Variants in RBMS3 observed in about 807,000 individuals in gnomAD.
RBMS3 encodes RNA-binding motif, single-stranded-interacting protein 3.
In RBMS3, 27 loss-of-function variants were observed where a neutral mutation model predicts 66.8. The ratio of observed to expected loss-of-function variants is 0.40; its 90% CI spans 0.30 to 0.56. RBMS3 has a LOEUF of 0.56. Ranked by LOEUF, RBMS3 falls within the 20% of genes least tolerant of loss-of-function variation. RBMS3 has a pLI of 0.40. For missense variants in RBMS3, 513 were observed against 549.5 expected (o/e 0.93, Z 0.66); for synonymous variants, 188 against 183.0 (o/e 1.03, Z -0.22).
At chr3:29,928,203 T>TAC (rs1415810525) in intron 10 of RBMS3, among the ~76,000 whole-genome samples, 2 of 110,234 alleles carry the variant, frequency 1.8e-5, no homozygotes, top group African/African-American at 3.5e-5. Context: ...TATATATATA[T>TAC]ATATATATAC....
intron 3 of RBMS3, among the ~76,000 whole-genome samples, chr3:29,547,285 A>C (rs1256904617): frequency 6.6e-6 from 1 of 152,184 alleles, no homozygotes. Context: ...TCTTCATCCT[A>C]AATGACATTC....
At chr3:29,736,708 A>G (rs2054394809) in intron 4 of RBMS3, among the ~76,000 whole-genome samples, 1 of 152,160 alleles carries the variant, frequency 6.6e-6, no homozygotes, top group African/African-American at 2.4e-5. Flanking sequence ...GACATGTGGG[A>G]CTCAGAAATC....
intron 12 of RBMS3, among the ~76,000 whole-genome samples, chr3:29,947,084 A>G (rs113573553): frequency 0.018 from 2,782 of 151,692 alleles, 41 homozygotes; most frequent in Non-Finnish European, 0.028. Context: ...CAAAATATAC[A>G]GATTAGCAGT....
chr3:29,950,384 G>T (rs776487670), intron 12 of RBMS3, among the ~76,000 whole-genome samples: 2 of 151,770 alleles, frequency 1.3e-5, no homozygotes, highest in Non-Finnish European at 1.5e-5. Flanking sequence ...TACATAATAC[G>T]CAGCAGAGCA....
chr3:29,750,922 A>G (rs2055148684), intron 5 of RBMS3, among the ~76,000 whole-genome samples: 1 of 152,218 alleles, frequency 6.6e-6, no homozygotes, highest in Admixed American at 6.5e-5. Context: ...AAATATGTAA[A>G]GTATTAAGGG....
intron 10 of RBMS3, among the ~76,000 whole-genome samples, chr3:29,908,246 G>T (rs35426603): frequency 0.01 from 1,516 of 150,410 alleles, 6 homozygotes; most frequent in East Asian, 0.029. Context: ...ACAAGACCTT[G>T]TCTCAAAAAA....
intron 10 of RBMS3, among the ~76,000 whole-genome samples, chr3:29,911,636 A>G (rs2060515931): frequency 1.3e-5 from 2 of 152,056 alleles, no homozygotes; most frequent in Admixed American, 6.6e-5. Context: ...TGAATACCCC[A>G]GGTGAAAGTG....
intron 2 of RBMS3, among the ~76,000 whole-genome samples, chr3:29,480,228 T>C (rs901078551): frequency 1.3e-5 from 2 of 152,224 alleles, no homozygotes; most frequent in Non-Finnish European, 2.9e-5. Flanking sequence ...AGTGTGGTCC[T>C]GGGATCAGCT....
intron 4 of RBMS3, among the ~76,000 whole-genome samples, chr3:29,678,009 G>A (rs2051325840): frequency 6.6e-6 from 1 of 152,140 alleles, no homozygotes; most frequent in South Asian, 2.1e-4. Flanking sequence ...TAAGTTACAT[G>A]AGAAGTATAA....
At chr3:29,595,116 C>T (rs780665600) in intron 4 of RBMS3, among the ~76,000 whole-genome samples, 16 of 151,942 alleles carry the variant, frequency 1.1e-4, no homozygotes, top group Non-Finnish European at 2.1e-4. Flanking sequence ...TAAGAAATAT[C>T]GGCCAGGTGC....
chr3:29,796,049 C>T (rs184482914), intron 6 of RBMS3, among the ~76,000 whole-genome samples: 1 of 152,304 alleles, frequency 6.6e-6, no homozygotes, highest in East Asian at 1.9e-4. Context: ...GGTTCAGTTC[C>T]AGACTACTGC....
At chr3:29,808,732 A>G (rs989843860) in intron 6 of RBMS3, among the ~76,000 whole-genome samples, 7 of 151,972 alleles carry the variant, frequency 4.6e-5, no homozygotes, top group African/African-American at 1.7e-4. Context: ...CTGCTTGATT[A>G]TCACTTATAC....
At chr3:29,423,780 C>T (rs1270171743) in intron 1 of RBMS3, among the ~76,000 whole-genome samples, 2 of 152,106 alleles carry the variant, frequency 1.3e-5, no homozygotes, top group African/African-American at 4.8e-5. Context: ...AATTAATTAC[C>T]TGTGAATTTA....
chr3:29,487,457 T>A (rs2043364096), intron 2 of RBMS3, among the ~76,000 whole-genome samples: 1 of 152,184 alleles, frequency 6.6e-6, no homozygotes, highest in African/African-American at 2.4e-5. Context: ...ACTTTACATG[T>A]CAATTTTCTC....
chr3:29,943,121 A>G (rs2061430654), intron 11 of RBMS3, among the ~76,000 whole-genome samples: 1 of 151,796 alleles, frequency 6.6e-6, no homozygotes, highest in African/African-American at 2.4e-5. Context: ...ATTAAAATTG[A>G]CCTTTTGTGG....
chr3:29,328,335 G>A (rs1018637311), intron 1 of RBMS3, among the ~76,000 whole-genome samples: 3 of 152,176 alleles, frequency 2.0e-5, no homozygotes, highest in Non-Finnish European at 2.9e-5. Context: ...TGTGTTAGAA[G>A]TGGTAGATAT....
At chr3:29,440,701 A>G (rs1053201949) in intron 2 of RBMS3, among the ~76,000 whole-genome samples, 42 of 152,222 alleles carry the variant, frequency 2.8e-4, no homozygotes, top group African/African-American at 1.0e-3. Flanking sequence ...TGCCCAAGCT[A>G]ATCTCCCGGA....
chr3:30,003,791 G>A (rs1699717955), intron 14 of RBMS3, 65 bp from the exon 15 acceptor site: 1 of 1,192,502 alleles, frequency 8.4e-7, no homozygotes, highest in South Asian at 2.8e-5. Flanking sequence ...ATTGGAAAAG[G>A]GCACAGAAGG....
chr3:29,809,544 A>G (rs889546195), intron 6 of RBMS3, among the ~76,000 whole-genome samples: 1 of 151,888 alleles, frequency 6.6e-6, no homozygotes, highest in Non-Finnish European at 1.5e-5. Context: ...GCCAATGCCA[A>G]TTTTCATTAC....
Sources: allele counts gnomAD v4.1 joint callset (sites outside exome capture counted in the v4.1 genomes callset), GRCh38; gene constraint gnomAD v4.1.1; transcripts MANE v1.5; gene names NCBI Gene and HGNC (gene_info 2026-07-23, HGNC 2026-07-21).